The following GPR161 variants were observed in gnomAD, a reference collection of about 807,000 sequenced individuals.
GPR161 encodes the protein G protein-coupled receptor 161.
In GPR161, 25 loss-of-function variants were observed where a neutral mutation model predicts 39.2. That is an observed-to-expected ratio of 0.64 (90% CI 0.47 to 0.89). The LOEUF (loss-of-function observed/expected upper bound fraction) is 0.89, where lower values mean the gene tolerates loss of function less well. GPR161 is among the 40% of genes least tolerant of loss of function. GPR161 has a pLI of 0.00. For missense variants in GPR161, 547 were observed against 677.8 expected, an observed-to-expected ratio of 0.81 and a Z score of 2.14; for synonymous variants, 286 against 276.6, an observed-to-expected ratio of 1.03 and a Z score of -0.34.
chr1:168,108,233 C>A (rs1194436081), intron 1 of GPR161, among the ~76,000 whole-genome samples: 1 of 152,010 alleles, frequency 6.6e-6, no homozygotes, highest in Non-Finnish European at 1.5e-5. Context: ...CTCACTCACT[C>A]CCACAAGAAT....
intron 1 of GPR161, chr1:168,136,300 C>A: frequency 6.8e-7 from 1 of 1,472,018 alleles, no homozygotes; most frequent in Admixed American, 2.3e-5. Context: ...CCGCTTCTCC[C>A]CACACCCTTT....
rs1382154150 is a variant in GPR161 at position 168,084,894 on chromosome 1, G to C, written c.*637C>G. 8.8e-6 allele frequency: 4 copies of C among 456,142 alleles called. No individual in the cohort carries two copies. The Admixed American group carries it at 9.4e-5, about 11-fold the overall frequency. The allele number at this position is 456,142 out of a possible 1,614,324, so 28.3% of individuals were successfully genotyped here. ...GGAAGTAGGCAGGGTGGGCCAGTCTGCAAGAGGCCTGTGGCTGTCCCTATT... is the reference window on the plus strand; with the variant it reads ...GGAAGTAGGCAGGGTGGGCCAGTCTCCAAGAGGCCTGTGGCTGTCCCTATT... On this transcript the variant is annotated 3_prime_UTR_variant, in exon 6 of 6. Coordinates refer to ENST00000682931, the MANE Select transcript of GPR161 (RefSeq NM_001375883.1).
intron 4 of GPR161, chr1:168,089,098 T>C (rs1694817291): frequency 6.6e-6 from 1 of 152,236 alleles, no homozygotes; most frequent in Non-Finnish European, 1.5e-5. Flanking sequence ...TTCAATCTTT[T>C]ATGAACTGAA....
chr1:168,094,153 A>G (rs1227361577), intron 3 of GPR161, among the ~76,000 whole-genome samples: 6 of 152,268 alleles, frequency 3.9e-5, no homozygotes, highest in Non-Finnish European at 7.3e-5. Context: ...AGTGACTTGC[A>G]TGGAAAATCT....
upstream of GPR161, chr1:168,137,555 A>G: frequency 3.0e-6 from 2 of 671,082 alleles, no homozygotes; most frequent in Non-Finnish European, 2.6e-6. Flanking sequence ...CCTCGGAACC[A>G]AAAGGCCAGG....
At chr1:168,100,502 C>T (rs1695992494) in intron 2 of GPR161, among the ~76,000 whole-genome samples, 1 of 152,144 alleles carries the variant, frequency 6.6e-6, no homozygotes, top group East Asian at 1.9e-4. Context: ...CCAATCACGA[C>T]CCTTGAACCC....
intron 4 of GPR161, among the ~76,000 whole-genome samples, chr1:168,090,073 G>A (rs931664360): frequency 2.6e-5 from 4 of 152,194 alleles, no homozygotes; most frequent in African/African-American, 9.7e-5. Context: ...CATTCATTAA[G>A]TCTCTCAATT....
intron 2 of GPR161, among the ~76,000 whole-genome samples, chr1:168,100,968 C>T (rs759747423): frequency 1.3e-5 from 2 of 152,150 alleles, no homozygotes; most frequent in African/African-American, 2.4e-5. Context: ...CCCCAGCACG[C>T]CCTACTTTCA....
intron 1 of GPR161, among the ~76,000 whole-genome samples, chr1:168,126,536 C>T (rs1213763319): frequency 2.0e-5 from 3 of 152,124 alleles, no homozygotes; most frequent in Non-Finnish European, 2.9e-5. Context: ...ACTGTAGCCT[C>T]GAACTCTTGG....
chr1:168,082,088 CCTAT>C lies in GPR161; in HGVS notation c.*3439_*3442del, dbSNP rs1361190261. ...TCCTGTCTCAACCCAAATTCCTTAG[CCTAT>C]CTATTGCAAATATTTAGTCTCATTG... On this transcript the variant is annotated 3_prime_UTR_variant, in exon 6 of 6. Coordinates refer to ENST00000682931, the MANE Select transcript of GPR161 (RefSeq NM_001375883.1). 6.6e-6 allele frequency: 1 copy of C among 152,204 alleles called. No individual in the cohort carries two copies. Among genetic ancestry groups the C allele is most frequent in the East Asian group, 1.9e-4 (1 of 5,204 alleles). The allele number at this position is 152,204 out of a possible 1,614,324, so 9.4% of individuals were successfully genotyped here.
At chr1:168,116,906 G>C (rs574202829) in intron 1 of GPR161, among the ~76,000 whole-genome samples, 193 of 152,220 alleles carry the variant, frequency 1.3e-3, no homozygotes, top group African/African-American at 4.4e-3. Flanking sequence ...AATGTACCAG[G>C]GAAAGGCAAA....
intron 2 of GPR161, among the ~76,000 whole-genome samples, chr1:168,099,847 G>T (rs907929541): frequency 2.0e-4 from 29 of 141,500 alleles, no homozygotes; most frequent in African/African-American, 6.8e-4. Flanking sequence ...GGGGGGGGGG[G>T]GTTGGTGTGG....
Position 168,084,795 on chromosome 1 carries a change from A to G in GPR161, c.*736T>C, listed in dbSNP as rs893632689. The G allele has an allele frequency of 4.4e-6, 2 of 455,594 alleles. No homozygotes were observed. The highest frequency in any genetic ancestry group is 8.8e-6 in the Non-Finnish European group (2 of 226,878). The allele number at this position is 455,594 out of a possible 1,614,324, so 28.2% of individuals were successfully genotyped here. A position where few individuals can be genotyped will look rare whatever the true frequency, so the allele number is the denominator to read the frequency against. Reference sequence around the variant, plus strand: ...TTTTTTTTAATTCTGGAAATGAAACACCTAGTACCTGCCCTTCCTCTTGTC... The same window carrying G: ...TTTTTTTTAATTCTGGAAATGAAACGCCTAGTACCTGCCCTTCCTCTTGTC... On this transcript the variant is annotated 3_prime_UTR_variant, in exon 6 of 6. Coordinates refer to ENST00000682931, the MANE Select transcript of GPR161 (RefSeq NM_001375883.1).
Position 168,098,294 on chromosome 1 carries a change from A to C in GPR161, c.375-1062T>G, listed in dbSNP as rs1047551068. Among the ~76,000 whole-genome samples, 1 of 152,168 alleles carries C rather than the reference A, an allele frequency of 6.6e-6. No homozygotes were observed. Among genetic ancestry groups the C allele is most frequent in the South Asian group, 2.1e-4 (1 of 4,834 alleles). On this transcript the variant is annotated intron_variant, in intron 2 of 5. Coordinates refer to ENST00000682931, the MANE Select transcript of GPR161 (RefSeq NM_001375883.1). The surrounding 1 kb of genome is among the most constrained non-coding windows in gnomAD (Gnocchi z 4.1). ...GGAGAGAAGGAAGCAGGCCGGGTGG[A>C]CGGGGCCGGGGCATGCAGAGCTAAG...
intron 1 of GPR161, among the ~76,000 whole-genome samples, chr1:168,135,801 T>C (rs145187374): frequency 6.6e-6 from 1 of 152,154 alleles, no homozygotes; most frequent in African/African-American, 2.4e-5. Flanking sequence ...GGAACTGAGG[T>C]TCTTTCCCTC....
chr1:168,107,672 A>G (rs1696732702), intron 1 of GPR161, among the ~76,000 whole-genome samples: 1 of 152,260 alleles, frequency 6.6e-6, no homozygotes, highest in South Asian at 2.1e-4. Context: ...AAAAATGGAC[A>G]AAGACAAAGA....
chr1:168,105,521 A>G (rs1216761018), intron 1 of GPR161, among the ~76,000 whole-genome samples: 3 of 152,216 alleles, frequency 2.0e-5, no homozygotes, highest in Non-Finnish European at 2.9e-5. Flanking sequence ...TGACTGTAAG[A>G]TTCTCATGGG....
chr1:168,132,823 C>A (rs1699102623), intron 1 of GPR161, among the ~76,000 whole-genome samples: 2 of 152,098 alleles, frequency 1.3e-5, no homozygotes. Flanking sequence ...CGGCTCACTG[C>A]AACCTCCGCC....
chr1:168,136,295 T>G, intron 1 of GPR161: 1 of 1,456,764 alleles, frequency 6.9e-7, no homozygotes, highest in Non-Finnish European at 9.1e-7. Flanking sequence ...CGTGACCGCT[T>G]CTCCCCACAC....
Sources: gnomAD v4.1 joint callset for allele counts (sites outside exome capture counted in the v4.1 genomes callset) on GRCh38, gnomAD v4.1.1 for gene constraint, Gnocchi (gnomAD v3.1) non-coding constraint, MANE v1.5 for transcripts, NCBI Gene and HGNC (gene_info 2026-07-23, HGNC 2026-07-21) for gene names.